MADCAM1: variants seen among roughly 807,000 people sequenced by gnomAD.
MADCAM1 encodes mucosal vascular addressin cell adhesion molecule 1.
In MADCAM1, 19 loss-of-function variants were observed where a neutral mutation model predicts 26.1. The ratio of observed to expected loss-of-function variants is 0.73; its 90% CI spans 0.51 to 1.07. The LOEUF is 1.07. MADCAM1 is among the 50% of genes least tolerant of loss of function. The pLI is 0.00. For synonymous variants in MADCAM1, 268 were observed against 260.9 expected, an observed-to-expected ratio of 1.03 and a Z score of -0.26; for missense variants, 514 against 542.1, an observed-to-expected ratio of 0.95 and a Z score of 0.51.
intron 3 of MADCAM1, among the ~76,000 whole-genome samples, chr19:501,182 C>T (rs1978321563): frequency 6.7e-6 from 1 of 149,720 alleles, no homozygotes; most frequent in African/African-American, 2.5e-5. Context: ...GAGTGAGACC[C>T]CATCTCTAAA....
rs550411289 is a variant in MADCAM1, at chr19:504,694, C to T, written c.929-51C>T. ...CTGAGGGGCTCCTCCCTTCCCAAGC[C>T]TGCAGAGGCCTGGAGGGCTCTGACC... is the stretch of plus-strand genomic sequence containing the variant. On this transcript the variant is annotated intron_variant, in intron 4 of 4. Coordinates refer to ENST00000215637, the MANE Select transcript of MADCAM1 (RefSeq NM_130760.3). 1.3e-5 allele frequency: 18 copies of T among 1,371,334 alleles called. No individual in the cohort carries two copies. In the Admixed American group the frequency reaches 2.7e-4, roughly 21 times the overall value. The allele number at this position is 1,371,334 out of a possible 1,614,324, so 84.9% of individuals were successfully genotyped here. A position where few individuals can be genotyped will look rare whatever the true frequency, so the allele number is the denominator to read the frequency against.
chr19:496,621 A>C, intron 1 of MADCAM1, 70 bp downstream of exon 1: 3 of 378,726 alleles, frequency 7.9e-6, no homozygotes, highest in Non-Finnish European at 6.5e-6. Flanking sequence ...GAGGGGGCTC[A>C]GGAGAGGGGA....
chr19:501,873 G>A lies in MADCAM1; in HGVS notation c.872G>A (p.Arg291His), dbSNP rs747439523. Reference protein sequence around the residue: ...TPRSPGSTRTRRPEISQAGPT... With the variant: ...TPRSPGSTRTHRPEISQAGPT... Reference sequence around the variant, plus strand: ...AGGAGCCCAGGCTCCACCAGGACTCGCCGCCCTGAGATCTCCCAGGCTGGG... The same window carrying A: ...AGGAGCCCAGGCTCCACCAGGACTCACCGCCCTGAGATCTCCCAGGCTGGG... Residue 291 changes from arginine (R) to histidine (H), a missense_variant, in exon 4 of 5, where the codon CGC (arginine) becomes CAC (histidine). Around this residue, in one of 3 missense-constraint regions of MADCAM1, gnomAD observed 152 missense variants for 136.7 expected, o/e 1.11. Coordinates refer to ENST00000215637, the MANE Select transcript of MADCAM1 (RefSeq NM_130760.3). The A allele has an allele frequency of 5.2e-6, 8 of 1,552,948 alleles. No individual in the cohort carries two copies. The highest frequency in any genetic ancestry group is 2.4e-5 in the East Asian group (1 of 41,202).
At chr19:504,719 C>A in intron 4 of MADCAM1, 26 bp from the exon 5 acceptor site, 1 of 1,557,116 alleles carries the variant, frequency 6.4e-7, no homozygotes, top group Non-Finnish European at 8.8e-7. Context: ...GGGCTCTGAC[C>A]GGGGTCTCCT....
chr19:505,225 A>G lies in MADCAM1; in HGVS notation c.*260A>G, dbSNP rs1275982037. The G allele has an allele frequency of 4.9e-6, 2 of 408,872 alleles. No individual in the cohort carries two copies. Among genetic ancestry groups the G allele is most frequent in the East Asian group, 3.6e-5 (1 of 27,618 alleles). 25.3% of individuals were successfully genotyped at this position (408,872 alleles called of 1,614,324 possible). A position where few individuals can be genotyped will look rare whatever the true frequency, so the allele number is the denominator to read the frequency against. On this transcript the variant is annotated 3_prime_UTR_variant, in exon 5 of 5. Transcript: ENST00000215637. ...ACGGAACCACGTACTTTTTACATAC[A>G]TTGATTCATGTCTCACGTCTCCCTA...
At chr19:498,856 C>G in intron 3 of MADCAM1, 31 bp downstream of exon 3, 1 of 1,470,892 alleles carries the variant, frequency 6.8e-7, no homozygotes, top group Non-Finnish European at 9.0e-7. Context: ...GGAGACCCAC[C>G]CGCTCGCCAG....
At chr19:500,147 C>T in intron 3 of MADCAM1, 1 of 456,336 alleles carries the variant, frequency 2.2e-6, no homozygotes, top group Admixed American at 2.3e-5. Flanking sequence ...CTCTCCACGC[C>T]AGCCTCCTCC....
At position 502,960 on chromosome 19, in the gene MADCAM1, A is replaced by G. The variant is rs944661384; in HGVS notation, c.928+1031A>G. On this transcript the variant is annotated intron_variant, in intron 4 of 4. Coordinates refer to ENST00000215637, the MANE Select transcript of MADCAM1 (RefSeq NM_130760.3). Reference sequence around the variant, plus strand: ...ATTTGAGGAAGCAGTAACATTTCCAAATAAGGAAGGGGCATAAGCTATGAG... The same window carrying G: ...ATTTGAGGAAGCAGTAACATTTCCAGATAAGGAAGGGGCATAAGCTATGAG... Among the ~76,000 whole-genome samples, 5 of 152,212 alleles carry G rather than the reference A, an allele frequency of 3.3e-5. 1 individual carries two copies. Among genetic ancestry groups the G allele is most frequent in the Non-Finnish European group, 7.3e-5 (5 of 68,034 alleles).
rs779058035 is a variant in MADCAM1, at chr19:498,618, G to A, written c.460G>A (p.Gly154Arg). Residue 154 changes from glycine to arginine, a missense_variant, in exon 3 of 5, where the codon GGG (glycine) becomes AGG (arginine). Coordinates refer to ENST00000215637, the MANE Select transcript of MADCAM1 (RefSeq NM_130760.3). ...PNALSFSLLV[G>R]GQELEGAQAL... ...CGCGCTCTCCTTCTCCCTGCTCGTC[G>A]GGGGCCAGGAACTGGAGGGGGCGCA... The A allele has an allele frequency of 2.7e-6, 4 of 1,473,444 alleles. No homozygotes were observed. Among genetic ancestry groups the A allele is most frequent in the Non-Finnish European group, 3.6e-6 (4 of 1,117,414 alleles). The allele number at this position is 1,473,444 out of a possible 1,614,324, so 91.3% of individuals were successfully genotyped here.
chr19:498,952 G>C (rs1250636916), intron 3 of MADCAM1, 127 bp downstream of exon 3: 3 of 1,312,746 alleles, frequency 2.3e-6, no homozygotes, highest in Non-Finnish European at 3.1e-6. Flanking sequence ...ATTCCCCCAC[G>C]CAGCGACAGC....
chr19:497,879 G>A lies in MADCAM1; in HGVS notation c.99G>A (p.Pro33=), dbSNP rs956349414. 3 of 1,351,556 alleles carry A rather than the reference G, an allele frequency of 2.2e-6. No individual in the cohort carries two copies. Among genetic ancestry groups the A allele is most frequent in the African/African-American group, 3.1e-5 (2 of 65,100 alleles). 83.7% of individuals were successfully genotyped at this position (1,351,556 alleles called of 1,614,324 possible). Residue 33 remains proline (P), a synonymous_variant, in exon 2 of 5, where the codon CCG becomes CCA. Transcript: ENST00000215637. ...CCCTGCAGGTGGAGCCCCCGGAGCCGGTGGTGGCCGTGGCCTTGGGCGCCT... is the reference window on the plus strand; with the variant it reads ...CCCTGCAGGTGGAGCCCCCGGAGCCAGTGGTGGCCGTGGCCTTGGGCGCCT... ...VKPLQVEPPE[P]VVAVALGASR...
In MADCAM1 at chr19:500,943, A is replaced by G. The variant is rs150111152; in HGVS notation, c.668-726A>G. Among the ~76,000 whole-genome samples the G allele has an allele frequency of 7.7e-3, 1,163 of 151,752 alleles. 11 individuals are homozygous for G. The highest frequency in any genetic ancestry group is 0.027 in the African/African-American group (1,111 of 41,342). ...ATAGAAACAAAAATGTAGGCCAGCC[A>G]TGGGAGGCTGAGGCGGGAGGATCAC... is the stretch of plus-strand genomic sequence containing the variant. On this transcript the variant is annotated intron_variant, in intron 3 of 4. Transcript: ENST00000215637.
chr19:497,976 A>G lies in MADCAM1; in HGVS notation c.196A>G (p.Ser66Gly). 6.7e-7 allele frequency: 1 copy of G among 1,496,628 alleles called. No individual in the cohort carries two copies. Among genetic ancestry groups the G allele is most frequent in the South Asian group, 1.3e-5 (1 of 79,430 alleles). 92.7% of individuals were successfully genotyped at this position (1,496,628 alleles called of 1,614,324 possible). ...GGTGCAGTGGCGGGGCCTGGACACC[A>G]GCCTGGGCGCGGTGCAGTCGGACAC... ...ASVQWRGLDTSLGAVQSDTGR... is the reference protein window; with the variant it reads ...ASVQWRGLDTGLGAVQSDTGR... Residue 66 changes from serine (S) to glycine (G), a missense_variant, in exon 2 of 5, where the codon AGC becomes GGC. By Grantham distance (56) the Ser-to-Gly change is moderately conservative. Transcript: ENST00000215637.
chr19:504,819 G>A lies in MADCAM1; in HGVS notation c.1003G>A (p.Ala335Thr), dbSNP rs1168800807. ...TGCGGTGCTGGGACTGCTGCTCCTG[G>A]CCTTGCCCACCTATCACCTCTGGAA... ...SSAVLGLLLL[A>T]LPTYHLWKRC... Residue 335 changes from alanine (A) to threonine (T), a missense_variant, in exon 5 of 5, where the codon GCC (alanine) becomes ACC (threonine). Coordinates refer to ENST00000215637, the MANE Select transcript of MADCAM1 (RefSeq NM_130760.3). The A allele has an allele frequency of 6.2e-7, 1 of 1,613,034 alleles. No homozygotes were observed. Among genetic ancestry groups the A allele is most frequent in the Non-Finnish European group, 8.5e-7 (1 of 1,179,986 alleles).
Position 498,590 on chromosome 19 carries a change from C to G in MADCAM1, c.432C>G (p.Pro144=). The change falls in exon 3 of 5, where the codon CCC becomes CCG. Residue 144 remains proline (P), a synonymous_variant. Coordinates refer to ENST00000215637, the MANE Select transcript of MADCAM1 (RefSeq NM_130760.3). ...CTAHKVTPVD[P]NALSFSLLVG... ...CCCACAAAGTCACGCCCGTGGACCC[C>G]AACGCGCTCTCCTTCTCCCTGCTCG... 1 of 1,485,236 alleles carries G rather than the reference C, an allele frequency of 6.7e-7. No homozygotes were observed. Among genetic ancestry groups the G allele is most frequent in the East Asian group, 2.5e-5 (1 of 39,972 alleles). The allele number at this position is 1,485,236 out of a possible 1,614,324, so 92.0% of individuals were successfully genotyped here.
At chr19:501,561 G>A (rs1978328763) in intron 3 of MADCAM1, 108 bp from the exon 4 acceptor site, 2 of 1,156,094 alleles carry the variant, frequency 1.7e-6, no homozygotes, top group Non-Finnish European at 2.4e-6. Flanking sequence ...CAGGGAAGGG[G>A]CTTGGAGGGG....
At chr19:500,699 T>C (rs935795990) in intron 3 of MADCAM1, among the ~76,000 whole-genome samples, 7 of 152,018 alleles carry the variant, frequency 4.6e-5, no homozygotes, top group African/African-American at 1.7e-4. Flanking sequence ...TGAAACCCCG[T>C]CCCCTACTAA....
At chr19:499,611 G>A (rs1379131778) in intron 3 of MADCAM1, among the ~76,000 whole-genome samples, 1 of 152,218 alleles carries the variant, frequency 6.6e-6, no homozygotes, top group Non-Finnish European at 1.5e-5. Context: ...TGACACCTTG[G>A]ATAACATCTG....
rs772175466 is a variant in MADCAM1 at position 501,754 on chromosome 19, C to G, written c.753C>G (p.Thr251=). ...PDTTSPESPD[T]TSQEPPDTTS... ...CCACCTCCCCGGAGTCTCCCGACAC[C>G]ACCTCCCAGGAGCCTCCCGACACCA... Residue 251 remains threonine, a synonymous_variant, in exon 4 of 5, where the codon ACC becomes ACG. Transcript: ENST00000215637. 1 of 1,582,256 alleles carries G rather than the reference C, an allele frequency of 6.3e-7. No individual in the cohort carries two copies.
Sources: allele counts gnomAD v4.1 joint callset (sites outside exome capture counted in the v4.1 genomes callset), GRCh38; gene constraint gnomAD v4.1.1; regional missense constraint gnomAD v4.1.1; transcripts MANE v1.5; gene names NCBI Gene and HGNC (gene_info 2026-07-23, HGNC 2026-07-21).